Variants in LYZL1 observed in about 807,000 individuals in gnomAD.
LYZL1 encodes lysozyme-like protein 1.
In LYZL1, 16 loss-of-function variants were observed where a neutral mutation model predicts 17.9. That is an observed-to-expected ratio of 0.90 (90% CI 0.61 to 1.36). LYZL1 has a LOEUF of 1.36. Among genes scored for constraint, LYZL1 ranks in the 40% most tolerant of loss-of-function variants. The probability of loss-of-function intolerance (pLI) is 0.00; values close to 1 mark genes in which losing one functional copy is unlikely to be tolerated. For missense variants in LYZL1, 149 were observed against 188.4 expected (o/e 0.79, Z 1.22); for synonymous variants, 58 against 71.8 (o/e 0.81, Z 0.97).
chr10:29,302,983 C>T (rs1181567286), intron 3 of LYZL1, among the ~76,000 whole-genome samples: 6 of 152,170 alleles, frequency 3.9e-5, no homozygotes, highest in Admixed American at 1.3e-4. Flanking sequence ...CATAACTAAG[C>T]ATCCAGTGTC....
At chr10:29,294,166 GT>G (rs1471416883) in intron 3 of LYZL1, among the ~76,000 whole-genome samples, 7 of 152,038 alleles carry the variant, frequency 4.6e-5, no homozygotes, top group Admixed American at 4.6e-4. Flanking sequence ...GGAGAGGCTT[GT>G]TTTTTCTGTA....
rs542634996 is a variant in LYZL1, at chr10:29,290,607, G to A, written c.-25-1236G>A. ...TGTTATCCCAGCACTTTGGGAGGCCGAGGTGGGCAGATCACAAGGTCAGGA... is the reference window on the plus strand; with the variant it reads ...TGTTATCCCAGCACTTTGGGAGGCCAAGGTGGGCAGATCACAAGGTCAGGA... On this transcript the variant is annotated intron_variant, in intron 1 of 4. Coordinates refer to ENST00000649382, the MANE Select transcript of LYZL1 (RefSeq NM_032517.6). Among the ~76,000 whole-genome samples the A allele has an allele frequency of 9.2e-5, 14 of 152,300 alleles. No individual in the cohort carries two copies. The South Asian group carries it at 2.3e-3, about 25-fold the overall frequency.
chr10:29,309,920 C>T (rs1315429284), intron 3 of LYZL1, among the ~76,000 whole-genome samples, 190 bp from the exon 4 acceptor site: 1 of 152,188 alleles, frequency 6.6e-6, no homozygotes, highest in Non-Finnish European at 1.5e-5. Flanking sequence ...TGAAAACGGT[C>T]TTAAAACAAC....
downstream of LYZL1, among the ~76,000 whole-genome samples, chr10:29,311,562 CAG>C (rs1835673048): frequency 6.6e-6 from 1 of 152,160 alleles, no homozygotes; most frequent in Non-Finnish European, 1.5e-5. Flanking sequence ...GCAAGAGACG[CAG>C]AGAGATAGGG....
intron 3 of LYZL1, among the ~76,000 whole-genome samples, chr10:29,298,919 A>G (rs1032153929): frequency 1.3e-5 from 2 of 152,212 alleles, no homozygotes; most frequent in African/African-American, 4.8e-5. Context: ...TTCTATTATC[A>G]TTACATTGTA....
At chr10:29,292,772 G>A in intron 3 of LYZL1, 95 bp downstream of exon 3, 1 of 1,522,280 alleles carries the variant, frequency 6.6e-7, no homozygotes, top group South Asian at 1.3e-5. Flanking sequence ...ACTAAAATTT[G>A]GAGTTCAGGC....
At chr10:29,295,033 A>C (rs1473918044) in intron 3 of LYZL1, among the ~76,000 whole-genome samples, 1 of 152,234 alleles carries the variant, frequency 6.6e-6, no homozygotes, top group Non-Finnish European at 1.5e-5. Flanking sequence ...TTGGAAAATG[A>C]AACTGCAGAT....
intron 3 of LYZL1, among the ~76,000 whole-genome samples, chr10:29,293,485 C>G (rs1293068387): frequency 6.6e-6 from 1 of 152,190 alleles, no homozygotes; most frequent in Non-Finnish European, 1.5e-5. Flanking sequence ...ACTTTCATGT[C>G]TTCTACTTTA....
At chr10:29,297,141 T>C (rs112721157) in intron 3 of LYZL1, among the ~76,000 whole-genome samples, 3 of 149,470 alleles carry the variant, frequency 2.0e-5, no homozygotes, top group African/African-American at 4.9e-5. Flanking sequence ...TAAAGAACCT[T>C]TGGAAATTAA....
intron 3 of LYZL1, among the ~76,000 whole-genome samples, chr10:29,295,290 A>G (rs930323706): frequency 1.3e-5 from 2 of 152,234 alleles, no homozygotes; most frequent in African/African-American, 4.8e-5. Context: ...TTTATTCAAA[A>G]CAAGTTTGCT....
At position 29,311,155 on chromosome 10, in the gene LYZL1, T is replaced by C. The variant is rs2132838717; in HGVS notation, c.*96T>C. ...CATCTTGTCCCGTTTCCTCCCAATA[T>C]TCCTTCTCAAACTTGGAGAGGGAAA... On this transcript the variant is annotated 3_prime_UTR_variant, in exon 5 of 5. Coordinates refer to ENST00000649382, the MANE Select transcript of LYZL1 (RefSeq NM_032517.6). The C allele has an allele frequency of 2.5e-6, 4 of 1,607,922 alleles. No homozygotes were observed. The East Asian group carries it at 8.9e-5, about 36-fold the overall frequency.
Position 29,289,085 on chromosome 10 carries a change from G to A in LYZL1, c.-171G>A, listed in dbSNP as rs770816242. 3.0e-5 allele frequency: 46 copies of A among 1,530,450 alleles called. No individual in the cohort carries two copies. In the Middle Eastern group the frequency reaches 5.3e-4, roughly 18 times the overall value. 94.8% of individuals were successfully genotyped at this position (1,530,450 alleles called of 1,614,324 possible). ...TTCTTGAGCTAGGAAAGGATTACTC[G>A]CGCCTCGTTAGAATCAGACATGGCT... On this transcript the variant is annotated 5_prime_UTR_variant, in exon 1 of 5. Coordinates refer to ENST00000649382, the MANE Select transcript of LYZL1 (RefSeq NM_032517.6).
In LYZL1 at chr10:29,292,437, G is replaced by C. The variant is rs1438168290; in HGVS notation, c.140-82G>C. On this transcript the variant is annotated intron_variant, in intron 2 of 4. Transcript: ENST00000649382. Reference sequence around the variant, plus strand: ...TGGGAGGAAGCAGTCAGGTAACAAGGATAAGGAAACTCGCCCTCAGACCAA... The same window carrying C: ...TGGGAGGAAGCAGTCAGGTAACAAGCATAAGGAAACTCGCCCTCAGACCAA... 15 of 1,563,564 alleles carry C rather than the reference G, an allele frequency of 9.6e-6. No homozygotes were observed. The South Asian group carries it at 1.7e-4, about 18-fold the overall frequency.
intron 3 of LYZL1, among the ~76,000 whole-genome samples, chr10:29,304,154 G>A (rs1835558536): frequency 6.6e-6 from 1 of 152,156 alleles, no homozygotes; most frequent in African/African-American, 2.4e-5. Flanking sequence ...TATTTGGACA[G>A]AAAATTGATG....
intron 3 of LYZL1, among the ~76,000 whole-genome samples, chr10:29,297,532 T>C (rs1009731275): frequency 1.3e-5 from 2 of 152,234 alleles, no homozygotes; most frequent in African/African-American, 4.8e-5. Context: ...TGCATGCCAT[T>C]CTGAGTAGTG....
chr10:29,305,972 C>T (rs937500918), intron 3 of LYZL1, among the ~76,000 whole-genome samples: 34 of 152,138 alleles, frequency 2.2e-4, no homozygotes, highest in African/African-American at 8.2e-4. Flanking sequence ...ACATTTTATG[C>T]TAGCATTTTT....
In LYZL1 at chr10:29,310,091, T is replaced by C. The variant is rs183763730; in HGVS notation, c.299-19T>C. 2.5e-4 allele frequency: 399 copies of C among 1,588,058 alleles called. No homozygotes were observed. The Middle Eastern group carries it at 2.7e-3, about 11-fold the overall frequency. Reference sequence around the variant, plus strand: ...ACAACAAAGTCTCGCCTAACCCTGATGTCTTCTCTCTTTTACAGCCTTGAT... The same window carrying C: ...ACAACAAAGTCTCGCCTAACCCTGACGTCTTCTCTCTTTTACAGCCTTGAT... On this transcript the variant is annotated intron_variant, in intron 3 of 4. Coordinates refer to ENST00000649382, the MANE Select transcript of LYZL1 (RefSeq NM_032517.6).
intron 3 of LYZL1, among the ~76,000 whole-genome samples, chr10:29,293,134 C>CTTTTTTTTTTTTTTTTTTTTTTTTTTTTT: frequency 8.3e-6 from 1 of 121,048 alleles, no homozygotes; most frequent in Non-Finnish European, 1.7e-5. Context: ...TTTCTTTTTT[C>CTTTTTTTTTTTTTTTTTTTTTTTTTTTTT]TTTTTTTTTT....
At chr10:29,312,417 A>T (rs1219333243), downstream of LYZL1, among the ~76,000 whole-genome samples, 1 of 151,482 alleles carries the variant, frequency 6.6e-6, no homozygotes, top group African/African-American at 2.4e-5. Flanking sequence ...CTCATCAGCT[A>T]TTGTTAGTGT....
Sources: gnomAD v4.1 joint callset for allele counts (sites outside exome capture counted in the v4.1 genomes callset) on GRCh38, gnomAD v4.1.1 for gene constraint, MANE v1.5 for transcripts, NCBI Gene and HGNC (gene_info 2026-07-23, HGNC 2026-07-21) for gene names.